Variants in CRACD observed in about 807,000 individuals in gnomAD.
CRACD encodes capping protein inhibiting regulator of actin dynamics.
In CRACD, 56 loss-of-function variants were observed where a neutral mutation model predicts 106.8. The ratio of observed to expected loss-of-function variants is 0.52; its 90% confidence interval spans 0.42 to 0.66. The LOEUF (loss-of-function observed/expected upper bound fraction) is 0.66. CRACD is among the 30% of genes least tolerant of loss of function. The pLI is 0.00. For synonymous variants in CRACD, 754 were observed against 670.8 expected, an observed-to-expected ratio of 1.12 and a Z score of -1.92; for missense variants, 1,730 against 1,623.2, an observed-to-expected ratio of 1.07 and a Z score of -1.13.
chr4:56,114,065 G>A (rs976640), intron 1 of CRACD, among the ~76,000 whole-genome samples: 42,493 of 151,568 alleles, frequency 0.28, 6,249 homozygotes, highest in African/African-American at 0.37. Flanking sequence ...ACAGTGACTT[G>A]AACAAGTAAG....
At position 56,065,848 on chromosome 4, in the gene CRACD, C is replaced by T. The variant is rs151153567; in HGVS notation, c.-336+16549C>T. Among the ~76,000 whole-genome samples, 1,494 of 152,264 alleles carry T rather than the reference C, an allele frequency of 9.8e-3. 12 individuals carry two copies. The highest frequency in any genetic ancestry group is 0.027 in the Middle Eastern group (8 of 294). On this transcript the variant is annotated intron_variant, in intron 1 of 10. Coordinates refer to ENST00000682029, the MANE Select transcript of CRACD (RefSeq NM_001393381.1). The stretch of plus-strand genomic sequence containing the variant: ...AAACAATGGGTTTACCTATCATCCC[C>T]TCCCCTCAGCCCCTGGCAATCTCTA...
At chr4:56,133,138 C>T (rs776660558) in intron 1 of CRACD, among the ~76,000 whole-genome samples, 8 of 152,142 alleles carry the variant, frequency 5.3e-5, no homozygotes, top group African/African-American at 1.9e-4. Flanking sequence ...GATTTTCTTA[C>T]GTCTGCAATG....
chr4:56,257,673 A>T (rs1560505504), intron 2 of CRACD, among the ~76,000 whole-genome samples: 1 of 152,156 alleles, frequency 6.6e-6, no homozygotes, highest in African/African-American at 2.4e-5. Context: ...CATAAAGTGT[A>T]AAGCCCTGCA....
chr4:56,197,352 A>G (rs1737659448), intron 2 of CRACD, among the ~76,000 whole-genome samples: 1 of 152,186 alleles, frequency 6.6e-6, no homozygotes, highest in African/African-American at 2.4e-5. Flanking sequence ...AATTCAGAGC[A>G]GAGTTTCTCT....
At chr4:56,137,201 G>C (rs1174694081) in intron 1 of CRACD, among the ~76,000 whole-genome samples, 1 of 151,964 alleles carries the variant, frequency 6.6e-6, no homozygotes, top group Non-Finnish European at 1.5e-5. Flanking sequence ...AGCCCCAGAA[G>C]GTCAAGGTTG....
intron 2 of CRACD, among the ~76,000 whole-genome samples, chr4:56,228,481 G>T (rs1216460271): frequency 6.6e-6 from 1 of 151,866 alleles, no homozygotes; most frequent in Non-Finnish European, 1.5e-5. Flanking sequence ...TGCCTAAGTC[G>T]GCCAGGATGG....
chr4:56,098,923 C>T (rs902878529), intron 1 of CRACD, among the ~76,000 whole-genome samples: 1 of 152,200 alleles, frequency 6.6e-6, no homozygotes, highest in African/African-American at 2.4e-5. Flanking sequence ...GATCTCCCCA[C>T]CTTGGCCTCC....
At position 56,190,986 on chromosome 4, in the gene CRACD, G is replaced by A. The variant is rs561216294; in HGVS notation, c.-189+11556G>A. Among the ~76,000 whole-genome samples, 19 of 152,162 alleles carry A rather than the reference G, an allele frequency of 1.2e-4. No homozygotes were observed. In the South Asian group the frequency reaches 3.7e-3, roughly 30 times the overall value. On this transcript the variant is annotated intron_variant, in intron 2 of 10. Coordinates refer to ENST00000682029, the MANE Select transcript of CRACD (RefSeq NM_001393381.1). ...CTCACTAGATACATGAGGATTATGCGGATTACAATTCAAGATGAGATTTTC... is the reference window on the plus strand; with the variant it reads ...CTCACTAGATACATGAGGATTATGCAGATTACAATTCAAGATGAGATTTTC...
intron 1 of CRACD, among the ~76,000 whole-genome samples, chr4:56,124,755 A>G (rs1734605074): frequency 6.6e-6 from 1 of 151,788 alleles, no homozygotes; most frequent in Non-Finnish European, 1.5e-5. Context: ...GTCCTGTAGA[A>G]TTTCTTATGT....
At chr4:56,075,500 G>A (rs962065644) in intron 1 of CRACD, among the ~76,000 whole-genome samples, 1 of 152,048 alleles carries the variant, frequency 6.6e-6, no homozygotes, top group Non-Finnish European at 1.5e-5. Flanking sequence ...ATTCTCTGAT[G>A]GTAGTTTGTA....
At chr4:56,183,206 C>G (rs920747365) in intron 2 of CRACD, among the ~76,000 whole-genome samples, 1 of 130,202 alleles carries the variant, frequency 7.7e-6, no homozygotes, top group Non-Finnish European at 1.6e-5. Flanking sequence ...GCACTCCAGC[C>G]TGGGCTACAA....
intron 1 of CRACD, among the ~76,000 whole-genome samples, chr4:56,161,671 G>A (rs191595742): frequency 7.9e-4 from 120 of 152,078 alleles, no homozygotes; most frequent in Middle Eastern, 6.8e-3. Context: ...TGTTGGCCAG[G>A]TTGGTCTCGA....
intron 3 of CRACD, chr4:56,288,360 C>A: frequency 7.8e-6 from 2 of 257,872 alleles, no homozygotes; most frequent in South Asian, 1.0e-4. Context: ...ACGAAAGTAC[C>A]CAATAGGAAA....
intron 1 of CRACD, among the ~76,000 whole-genome samples, chr4:56,093,876 C>G (rs536111024): frequency 2.6e-5 from 4 of 152,230 alleles, no homozygotes; most frequent in Non-Finnish European, 5.9e-5. Context: ...CTCAGGTGGT[C>G]TCTGTTTCCC....
chr4:56,295,779 G>C (rs1743985496), intron 3 of CRACD, among the ~76,000 whole-genome samples: 1 of 149,612 alleles, frequency 6.7e-6, no homozygotes. Flanking sequence ...GTCATAACCA[G>C]GGATCTGAAA....
intron 1 of CRACD, among the ~76,000 whole-genome samples, chr4:56,081,332 A>T (rs1035032759): frequency 1.3e-5 from 2 of 152,154 alleles, no homozygotes; most frequent in Non-Finnish European, 1.5e-5. Flanking sequence ...GAGATAGCGC[A>T]CTCAGGTAAA....
chr4:56,095,018 C>T (rs912965110), intron 1 of CRACD, among the ~76,000 whole-genome samples: 8 of 152,158 alleles, frequency 5.3e-5, no homozygotes, highest in African/African-American at 1.9e-4. Flanking sequence ...TCCCTTCCGC[C>T]CTACTGGTAA....
In CRACD at chr4:56,315,442, C is replaced by T. The variant is rs755661717; in HGVS notation, c.1940C>T (p.Ala647Val). 55 of 1,612,832 alleles carry T rather than the reference C, an allele frequency of 3.4e-5. No individual in the cohort carries two copies. The highest frequency in any genetic ancestry group is 4.6e-5 in the Non-Finnish European group (54 of 1,179,712). ...CCCCGAGGCCCCGGCGACGCGAGGG[C>T]GGGCAGCGGGAAGGCTAAGCCCCGC... ...NPPRGPGDAR[A>V]GSGKAKPRQE... The change falls in exon 8 of 11, where the codon GCG becomes GTG. Residue 647 changes from alanine to valine, a missense_variant. Ala to Val is a moderately conservative substitution (Grantham distance 64). Transcript: ENST00000682029. This position sits in a 1 kb window ranked among gnomAD's most constrained non-coding sequence, Gnocchi z 4.1.
At chr4:56,295,325 T>A (rs545922680) in intron 3 of CRACD, among the ~76,000 whole-genome samples, 1 of 152,246 alleles carries the variant, frequency 6.6e-6, no homozygotes, top group East Asian at 1.9e-4. Context: ...GCAAGATACA[T>A]CACAAGTGTC....
Sources: allele counts gnomAD v4.1 joint callset (sites outside exome capture counted in the v4.1 genomes callset), GRCh38; gene constraint gnomAD v4.1.1; non-coding constraint Gnocchi (gnomAD v3.1); transcripts MANE v1.5; gene names NCBI Gene and HGNC (gene_info 2026-07-23, HGNC 2026-07-21).